Variants in CTBP2 observed in about 807,000 individuals in gnomAD.
The protein encoded by CTBP2 is C-terminal binding protein 2.
CTBP2 carries 30 observed loss-of-function variants against 80.3 expected under a neutral mutation model. The ratio of observed to expected loss-of-function variants is 0.37; its 90% confidence interval spans 0.28 to 0.51. The LOEUF (loss-of-function observed/expected upper bound fraction) is 0.51. Ranked by LOEUF, CTBP2 falls within the 20% of genes least tolerant of loss-of-function variation. CTBP2 has a pLI of 0.93. For synonymous variants in CTBP2, 594 were observed against 587.4 expected (o/e 1.01, Z -0.16); for missense variants, 1,212 against 1,375.3 (o/e 0.88, Z 1.88).
intron 1 of CTBP2, among the ~76,000 whole-genome samples, chr10:125,014,002 A>C (rs1276285864): frequency 6.6e-6 from 1 of 152,196 alleles, no homozygotes; most frequent in East Asian, 1.9e-4. Context: ...CAAGGGCCTG[A>C]GGCTTCTCAC....
chr10:125,114,948 A>C (rs1161556625), intron 1 of CTBP2, among the ~76,000 whole-genome samples: 1 of 152,138 alleles, frequency 6.6e-6, no homozygotes, highest in Non-Finnish European at 1.5e-5. Context: ...TATTTCTGCC[A>C]TCTGAAGCTC....
At chr10:125,082,224 C>T (rs1018807817) in intron 2 of CTBP2, among the ~76,000 whole-genome samples, 2 of 152,246 alleles carry the variant, frequency 1.3e-5, no homozygotes, top group African/African-American at 2.4e-5. Flanking sequence ...GACACACTGT[C>T]TTCAAAATCC....
At chr10:125,091,182 G>C (rs1152665) in intron 2 of CTBP2, among the ~76,000 whole-genome samples, 5,941 of 152,288 alleles carry the variant, frequency 0.039, 360 homozygotes, top group African/African-American at 0.13. Context: ...AAGAGGGAAA[G>C]AAAAGTATTG....
chr10:125,087,489 G>A (rs952195671), intron 2 of CTBP2, among the ~76,000 whole-genome samples: 2 of 152,176 alleles, frequency 1.3e-5, no homozygotes, highest in Admixed American at 1.3e-4. Flanking sequence ...GTCCACACCT[G>A]CCAGGAAACA....
At chr10:125,031,487 T>TAAAAAAAAA (rs1445636888), upstream of CTBP2, among the ~76,000 whole-genome samples, 3 of 12,034 alleles carry the variant, frequency 2.5e-4, no homozygotes, top group Admixed American at 9.1e-4. Flanking sequence ...AGACTCCATT[T>TAAAAAAAAA]CAAAAAAAAA....
chr10:125,026,573 G>A lies in CTBP2; in HGVS notation c.1187C>T (p.Ser396Phe), dbSNP rs778749700. The A allele has an allele frequency of 2.9e-5, 45 of 1,565,728 alleles. 3 individuals are homozygous for A. The South Asian group carries it at 4.3e-4, about 15-fold the overall frequency. ...GCGAGCCGGGTCTCCAGCTCGGGGG[G>A]ATGCTGTCTGCAGAGGAGCCGCAGC... is the stretch of plus-strand genomic sequence containing the variant. Residue 396 changes from serine to phenylalanine, a missense_variant, in exon 1 of 9, where the codon TCC becomes TTC. This residue lies in a region of CTBP2 where 848 missense variants were observed against 782.3 expected (regional missense o/e 1.08). Transcript: ENST00000309035.
At chr10:125,091,738 C>T (rs1311737301) in intron 2 of CTBP2, among the ~76,000 whole-genome samples, 1 of 152,176 alleles carries the variant, frequency 6.6e-6, no homozygotes, top group Non-Finnish European at 1.5e-5. Context: ...CACTGCACTA[C>T]AGCCTGGGTG....
chr10:125,013,464 T>G (rs927011631), intron 1 of CTBP2, among the ~76,000 whole-genome samples: 3 of 152,194 alleles, frequency 2.0e-5, no homozygotes, highest in Admixed American at 2.0e-4. Context: ...AATACTTTAT[T>G]GCAGCAATAA....
intron 3 of CTBP2, chr10:125,000,736 CT>C (rs1406770723): frequency 2.0e-5 from 3 of 152,270 alleles, no homozygotes; most frequent in African/African-American, 7.2e-5. Context: ...CATGGAGGGC[CT>C]TGTTTTCTGG....
At chr10:125,098,273 C>A (rs552256137) in intron 2 of CTBP2, among the ~76,000 whole-genome samples, 1 of 152,262 alleles carries the variant, frequency 6.6e-6, no homozygotes, top group South Asian at 2.1e-4. Context: ...GGACCCAGCA[C>A]GTGTTCAGCT....
chr10:124,984,906 G>A lies in CTBP2; in HGVS notation c.*4612C>T, dbSNP rs1951998675. The A allele has an allele frequency of 6.2e-7, 1 of 1,613,922 alleles. No individual in the cohort carries two copies. The highest frequency in any genetic ancestry group is 8.5e-7 in the Non-Finnish European group (1 of 1,180,036). On this transcript the variant is annotated 3_prime_UTR_variant, in exon 9 of 9. Transcript: ENST00000309035. ...TCACCCCCTGGTCACTCAGATGGTA[G>A]AAAAATGGCTTGACCGCTACCGACA...
intron 2 of CTBP2, among the ~76,000 whole-genome samples, chr10:125,089,788 C>A (rs1452788184): frequency 1.3e-5 from 2 of 152,186 alleles, no homozygotes; most frequent in Admixed American, 6.5e-5. Context: ...CCATAGCATA[C>A]ACTACTAGTA....
intron 3 of CTBP2, chr10:125,000,373 G>C (rs1589972334): frequency 6.6e-6 from 1 of 152,258 alleles, no homozygotes; most frequent in Non-Finnish European, 1.5e-5. Flanking sequence ...GGGTGGCTCT[G>C]ATACTCGCAG....
intron 2 of CTBP2, among the ~76,000 whole-genome samples, chr10:125,070,827 G>C (rs530171595): frequency 8.1e-6 from 1 of 123,572 alleles, no homozygotes; most frequent in Non-Finnish European, 1.8e-5. Flanking sequence ...CGCCACGCCC[G>C]GCTAATTTTG....
intron 1 of CTBP2, among the ~76,000 whole-genome samples, chr10:125,158,917 CGT>C (rs557899419): frequency 9.2e-4 from 140 of 152,080 alleles, no homozygotes; most frequent in South Asian, 3.3e-3. Context: ...TGTGTGCGCG[CGT>C]GTGTGTCTCG....
chr10:125,060,182 T>C (rs1491003470), intron 2 of CTBP2, among the ~76,000 whole-genome samples: 1 of 152,166 alleles, frequency 6.6e-6, no homozygotes, highest in African/African-American at 2.4e-5. Flanking sequence ...CCCACAGCCA[T>C]TTATTTTAAG....
At chr10:124,995,858 C>G (rs928166449) in intron 4 of CTBP2, among the ~76,000 whole-genome samples, 4 of 152,104 alleles carry the variant, frequency 2.6e-5, no homozygotes, top group African/African-American at 9.7e-5. Context: ...CTGCTGGGAG[C>G]TCACACTTCA....
chr10:125,098,684 G>GAGAC (rs1850009875), intron 2 of CTBP2, among the ~76,000 whole-genome samples: 2 of 124,096 alleles, frequency 1.6e-5, no homozygotes, highest in Non-Finnish European at 1.7e-5. Flanking sequence ...GAGAGAGAGA[G>GAGAC]AGAGAGAGAG....
At chr10:125,016,223 C>T (rs1043916230) in intron 1 of CTBP2, among the ~76,000 whole-genome samples, 3 of 149,762 alleles carry the variant, frequency 2.0e-5, no homozygotes, top group African/African-American at 7.3e-5. Flanking sequence ...GTAGCAGCAA[C>T]CAGGAGGGCA....
Sources: allele counts gnomAD v4.1 joint callset (sites outside exome capture counted in the v4.1 genomes callset), GRCh38; gene constraint gnomAD v4.1.1; regional missense constraint gnomAD v4.1.1; transcripts MANE v1.5; gene names NCBI Gene and HGNC (gene_info 2026-07-23, HGNC 2026-07-21).